The following HSPA12A variants were observed in gnomAD, a reference collection of about 807,000 sequenced individuals.
HSPA12A encodes the protein heat shock 70 kDa protein 12A.
A neutral mutation model predicts 69.2 loss-of-function variants in HSPA12A; 28 were observed. The observed-to-expected ratio is 0.40, with a 90% CI of 0.30 to 0.55. The LOEUF (loss-of-function observed/expected upper bound fraction) is 0.55. Ranked by LOEUF, HSPA12A falls within the 20% of genes least tolerant of loss-of-function variation. The pLI, the probability that HSPA12A is intolerant of heterozygous loss-of-function variation, is 0.38. For missense variants in HSPA12A, 686 were observed against 900.7 expected (o/e 0.76, Z 3.05); for synonymous variants, 345 against 370.5 (o/e 0.93, Z 0.79).
chr10:116,817,886 T>C (rs1409815074), intron 2 of HSPA12A, among the ~76,000 whole-genome samples: 1 of 152,128 alleles, frequency 6.6e-6, no homozygotes, highest in Non-Finnish European at 1.5e-5. Flanking sequence ...AGCAGTTCGG[T>C]TGCCCTGGTC....
chr10:116,748,445 C>T (rs1554888002), intron 2 of HSPA12A, among the ~76,000 whole-genome samples: 1 of 152,216 alleles, frequency 6.6e-6, no homozygotes, highest in Non-Finnish European at 1.5e-5. Context: ...AGTCACCATC[C>T]TCATTGCTAC....
intron 1 of HSPA12A, chr10:116,849,369 G>A: frequency 4.8e-6 from 3 of 626,142 alleles, no homozygotes; most frequent in African/African-American, 1.9e-5. Context: ...ACCTAATGCC[G>A]CAGGGAGAAA....
intron 2 of HSPA12A, among the ~76,000 whole-genome samples, chr10:116,762,766 T>A (rs1843998963): frequency 6.6e-6 from 1 of 152,152 alleles, no homozygotes; most frequent in Admixed American, 6.5e-5. Context: ...GTATTTTTAG[T>A]AGAGATGGAG....
intron 2 of HSPA12A, among the ~76,000 whole-genome samples, chr10:116,777,706 G>A (rs1392525239): frequency 6.6e-6 from 1 of 152,224 alleles, no homozygotes; most frequent in Non-Finnish European, 1.5e-5. Context: ...CAGATCAGAT[G>A]CACAAAAACA....
chr10:116,716,568 G>A (rs1047858876), intron 1 of HSPA12A, among the ~76,000 whole-genome samples: 2 of 152,194 alleles, frequency 1.3e-5, no homozygotes, highest in African/African-American at 2.4e-5. Context: ...GAGTGGAGGT[G>A]GCAGGCCAAG....
chr10:116,678,419 G>A (rs1043268412), intron 10 of HSPA12A, among the ~76,000 whole-genome samples: 3 of 144,030 alleles, frequency 2.1e-5, no homozygotes, highest in South Asian at 2.2e-4. Context: ...CGTGAGATGA[G>A]CAAAGCCCAG....
At chr10:116,842,940 G>A (rs1334610541) in intron 1 of HSPA12A, among the ~76,000 whole-genome samples, 1 of 152,098 alleles carries the variant, frequency 6.6e-6, no homozygotes, top group Admixed American at 6.5e-5. Context: ...TTTACTATCT[G>A]AACTCACTGA....
chr10:116,844,378 C>G (rs1317654484), intron 1 of HSPA12A, among the ~76,000 whole-genome samples: 8 of 152,156 alleles, frequency 5.3e-5, no homozygotes, highest in African/African-American at 1.9e-4. Context: ...AAGAAAAAAA[C>G]AAATTTCAAA....
chr10:116,729,150 C>G (rs1243149488), intron 1 of HSPA12A, among the ~76,000 whole-genome samples: 1 of 152,200 alleles, frequency 6.6e-6, no homozygotes, highest in African/African-American at 2.4e-5. Context: ...CAAGGACTGA[C>G]AAAGGGCACC....
chr10:116,811,751 T>G (rs1429025937), intron 2 of HSPA12A, among the ~76,000 whole-genome samples: 70 of 152,196 alleles, frequency 4.6e-4, no homozygotes, highest in Non-Finnish European at 2.9e-5. Flanking sequence ...GCCCATGACC[T>G]CTGCACCCGG....
chr10:116,702,214 G>A (rs1043794335), intron 3 of HSPA12A, among the ~76,000 whole-genome samples: 1 of 152,154 alleles, frequency 6.6e-6, no homozygotes, highest in Admixed American at 6.5e-5. Context: ...TCACCTTTGG[G>A]GCCACTGCAG....
chr10:116,825,174 G>C (rs1845480096), intron 2 of HSPA12A, among the ~76,000 whole-genome samples: 1 of 146,540 alleles, frequency 6.8e-6, no homozygotes, highest in Non-Finnish European at 1.5e-5. Flanking sequence ...GTGGCAGGGT[G>C]AGACCTTGTC....
chr10:116,685,261 C>A (rs897084196), intron 6 of HSPA12A, among the ~76,000 whole-genome samples: 6 of 152,046 alleles, frequency 3.9e-5, no homozygotes, highest in Non-Finnish European at 8.8e-5. Context: ...TCTCATCAGG[C>A]GAAGTCGGCC....
chr10:116,756,792 G>T (rs1843860950), intron 2 of HSPA12A, among the ~76,000 whole-genome samples: 1 of 152,208 alleles, frequency 6.6e-6, no homozygotes, highest in Non-Finnish European at 1.5e-5. Flanking sequence ...ATACAAAGGT[G>T]GGAAAACACA....
chr10:116,718,204 T>C lies in HSPA12A; in HGVS notation c.41-10919A>G, dbSNP rs1329005765. Among the ~76,000 whole-genome samples, 3 of 152,326 alleles carry C rather than the reference T, an allele frequency of 2.0e-5. No individual in the cohort carries two copies. The East Asian group carries it at 5.8e-4, about 29-fold the overall frequency. ...CAGTCTTCAGAGGCCACGGCACAGC[T>C]AGTGCTGCCTGGACTGAGGCTAAAG... On this transcript the variant is annotated intron_variant, in intron 1 of 11. Coordinates refer to ENST00000369209, the MANE Select transcript of HSPA12A (RefSeq NM_025015.3).
At chr10:116,739,058 G>C (rs1453623890) in intron 1 of HSPA12A, among the ~76,000 whole-genome samples, 1 of 152,200 alleles carries the variant, frequency 6.6e-6, no homozygotes, top group African/African-American at 2.4e-5. Context: ...TCTACAGCTT[G>C]GTGGCTGAAG....
At chr10:116,774,454 T>C (rs1554890885) in intron 2 of HSPA12A, among the ~76,000 whole-genome samples, 1 of 152,070 alleles carries the variant, frequency 6.6e-6, no homozygotes, top group East Asian at 1.9e-4. Context: ...GAAATGCAAA[T>C]TCTCAGGCCC....
At chr10:116,814,802 G>A (rs976933417) in intron 2 of HSPA12A, among the ~76,000 whole-genome samples, 1 of 152,194 alleles carries the variant, frequency 6.6e-6, no homozygotes, top group Non-Finnish European at 1.5e-5. Flanking sequence ...TCACCTTGCT[G>A]GGAAGTTACA....
At chr10:116,759,756 G>A (rs1487613260) in intron 2 of HSPA12A, among the ~76,000 whole-genome samples, 5 of 152,054 alleles carry the variant, frequency 3.3e-5, no homozygotes, top group East Asian at 3.9e-4. Context: ...ATCTTAAATC[G>A]TAGCTCCCAC....
Sources: allele counts gnomAD v4.1 joint callset (sites outside exome capture counted in the v4.1 genomes callset), GRCh38; gene constraint gnomAD v4.1.1; transcripts MANE v1.5; gene names NCBI Gene and HGNC (gene_info 2026-07-23, HGNC 2026-07-21).